Variants in PCDHGA9 observed in about 807,000 individuals in gnomAD.
The protein encoded by PCDHGA9 is protocadherin gamma-A9.
PCDHGA9 carries 37 observed loss-of-function variants against 62.5 expected under a neutral mutation model. The observed-to-expected ratio is 0.59, with a 90% confidence interval of 0.46 to 0.78. The LOEUF (loss-of-function observed/expected upper bound fraction) is 0.78, where lower values mean the gene tolerates loss of function less well. Among genes scored for constraint, PCDHGA9 ranks in the 30% least tolerant of loss-of-function variants. PCDHGA9 has a pLI of 0.00. For synonymous variants in PCDHGA9, 459 were observed against 484.6 expected, an observed-to-expected ratio of 0.95 and a Z score of 0.69; for missense variants, 1,138 against 1,166.2, an observed-to-expected ratio of 0.98 and a Z score of 0.35.
intron 1 of PCDHGA9, among the ~76,000 whole-genome samples, chr5:141,474,773 G>T (rs1290099424): frequency 6.6e-6 from 1 of 152,182 alleles, no homozygotes; most frequent in East Asian, 1.9e-4. Flanking sequence ...ATAGTATGAG[G>T]CTCTAACACT....
rs745334496 is a variant in PCDHGA9 at position 141,478,302 on chromosome 5, C to A, written c.2425-16505C>A. 47 of 1,613,952 alleles carry A rather than the reference C, an allele frequency of 2.9e-5. 1 individual carries two copies. In the Admixed American group the frequency reaches 7.0e-4, roughly 24 times the overall value. On this transcript the variant is annotated intron_variant, in intron 1 of 3. Transcript: ENST00000573521. ...AAGCAGTCTAGAGACCTATACCGAGCCCCGGTGAGCTCACTGTACCGAACA... is the reference window on the plus strand; with the variant it reads ...AAGCAGTCTAGAGACCTATACCGAGACCCGGTGAGCTCACTGTACCGAACA...
chr5:141,437,628 T>C (rs2097897572), intron 1 of PCDHGA9, among the ~76,000 whole-genome samples: 1 of 152,212 alleles, frequency 6.6e-6, no homozygotes, highest in African/African-American at 2.4e-5. Context: ...CCATATAAGA[T>C]GTCAGGTTCA....
intron 1 of PCDHGA9, among the ~76,000 whole-genome samples, chr5:141,474,165 A>G (rs1444314307): frequency 6.6e-6 from 1 of 152,234 alleles, no homozygotes; most frequent in Non-Finnish European, 1.5e-5. Context: ...GACAGGCCTT[A>G]TTATTGAGAA....
At chr5:141,419,439 C>G (rs375537017) in intron 1 of PCDHGA9, 1 of 1,613,154 alleles carries the variant, frequency 6.2e-7, no homozygotes, top group Non-Finnish European at 8.5e-7. Context: ...CAGCTGCGCA[C>G]CTTCGAGCTC....
intron 1 of PCDHGA9, among the ~76,000 whole-genome samples, chr5:141,469,315 G>A (rs1160946697): frequency 6.6e-6 from 1 of 151,866 alleles, no homozygotes; most frequent in African/African-American, 2.4e-5. Flanking sequence ...GATGGCTCAC[G>A]CCTGTAATCC....
intron 1 of PCDHGA9, among the ~76,000 whole-genome samples, chr5:141,425,350 A>G (rs926657846): frequency 6.6e-6 from 1 of 152,194 alleles, no homozygotes; most frequent in Non-Finnish European, 1.5e-5. Context: ...TGGCTTTGAA[A>G]TGTGATATTA....
intron 1 of PCDHGA9, chr5:141,424,664 A>T (rs923488035): frequency 6.6e-6 from 1 of 152,124 alleles, no homozygotes; most frequent in African/African-American, 2.4e-5. Flanking sequence ...CTTTAATTAA[A>T]CTGATTTAGC....
chr5:141,415,404 C>A lies in PCDHGA9; in HGVS notation c.2424+10028C>A, dbSNP rs199662613. On this transcript the variant is annotated intron_variant, in intron 1 of 3. Transcript: ENST00000573521. ...GCTTGACAGGTGTGTCCGGCTCGCA[C>A]TTTGTGGGCGTGGACGGGGTTCGGG... The A allele has an allele frequency of 2.2e-4, 363 of 1,614,238 alleles. 1 individual carries two copies. Among genetic ancestry groups the A allele is most frequent in the Non-Finnish European group, 6.8e-6 (8 of 1,180,048 alleles).
chr5:141,453,423 C>T (rs931962019), intron 1 of PCDHGA9, among the ~76,000 whole-genome samples: 2 of 152,120 alleles, frequency 1.3e-5, no homozygotes, highest in African/African-American at 4.8e-5. Context: ...TAAGCCACCA[C>T]ACCTAGCCTA....
At chr5:141,504,959 T>C (rs1297800554) in intron 2 of PCDHGA9, among the ~76,000 whole-genome samples, 2 of 152,038 alleles carry the variant, frequency 1.3e-5, no homozygotes, top group Non-Finnish European at 2.9e-5. Flanking sequence ...GTTCAATGCA[T>C]TGGACCAGCC....
chr5:141,431,189 G>A lies in PCDHGA9; in HGVS notation c.2424+25813G>A. 2 of 1,614,208 alleles carry A rather than the reference G, an allele frequency of 1.2e-6. No homozygotes were observed. The highest frequency in any genetic ancestry group is 1.7e-6 in the Non-Finnish European group (2 of 1,180,036). On this transcript the variant is annotated intron_variant, in intron 1 of 3. Transcript: ENST00000573521. This position sits in a 1 kb window ranked among gnomAD's most constrained non-coding sequence, Gnocchi z 4.8. ...AAGTGAATTAGAAATAAAAATTAGT[G>A]AAAATGCAGCCACTGAGATGCGGTT...
chr5:141,468,360 A>T (rs1249822461), intron 1 of PCDHGA9: 1 of 151,938 alleles, frequency 6.6e-6, no homozygotes, highest in East Asian at 1.9e-4. Flanking sequence ...GAAAGAAAAA[A>T]GAAATAACTC....
At chr5:141,482,611 G>A (rs1016481108) in intron 1 of PCDHGA9, among the ~76,000 whole-genome samples, 3 of 150,398 alleles carry the variant, frequency 2.0e-5, no homozygotes, top group African/African-American at 7.4e-5. Context: ...ACACCTAAAT[G>A]AGCCTGGAGA....
At chr5:141,430,818 T>G (rs1240970813) in intron 1 of PCDHGA9, 2 of 1,540,582 alleles carry the variant, frequency 1.3e-6, no homozygotes, top group Non-Finnish European at 1.7e-6. Flanking sequence ...GGAATCCTCC[T>G]GGGGACTCTG....
At position 141,491,117 on chromosome 5, in the gene PCDHGA9, G is replaced by A; in HGVS notation, c.2425-3690G>A. ...CTGTTCCTCGTGTCTACACACACTGGTGAGGTGCGCACAGCCCGGGCCTTA... is the reference window on the plus strand; with the variant it reads ...CTGTTCCTCGTGTCTACACACACTGATGAGGTGCGCACAGCCCGGGCCTTA... On this transcript the variant is annotated intron_variant, in intron 1 of 3. Coordinates refer to ENST00000573521, the MANE Select transcript of PCDHGA9 (RefSeq NM_018921.3). The surrounding 1 kb of genome is among the most constrained non-coding windows in gnomAD (Gnocchi z 6.9). 1 of 1,614,196 alleles carries A rather than the reference G, an allele frequency of 6.2e-7. No homozygotes were observed.
At chr5:141,495,591 C>G (rs2099762279) in intron 2 of PCDHGA9, among the ~76,000 whole-genome samples, 3 of 152,222 alleles carry the variant, frequency 2.0e-5, no homozygotes, top group African/African-American at 7.2e-5. Context: ...CCATCTCTGT[C>G]TTAGCTTCCG....
intron 1 of PCDHGA9, among the ~76,000 whole-genome samples, chr5:141,450,616 A>G (rs2098687684): frequency 6.6e-6 from 1 of 151,486 alleles, no homozygotes; most frequent in African/African-American, 2.4e-5. Flanking sequence ...CCTCCTGAGT[A>G]GCTGGGATTA....
intron 1 of PCDHGA9, chr5:141,423,769 CATAT>C (rs2096780943): frequency 8.2e-7 from 1 of 1,219,458 alleles, no homozygotes; most frequent in South Asian, 2.2e-5. Context: ...GGTGGGGCGG[CATAT>C]ATTTAGTTCA....
intron 1 of PCDHGA9, chr5:141,416,166 T>C (rs2096001393): frequency 6.5e-6 from 1 of 152,744 alleles, no homozygotes; most frequent in Admixed American, 6.5e-5. Flanking sequence ...CAGTTGAATA[T>C]ACTAAGTTTT....
Sources: allele counts gnomAD v4.1 joint callset (sites outside exome capture counted in the v4.1 genomes callset), GRCh38; gene constraint gnomAD v4.1.1; non-coding constraint Gnocchi (gnomAD v3.1); transcripts MANE v1.5; gene names NCBI Gene and HGNC (gene_info 2026-07-23, HGNC 2026-07-21).